The following TBC1D20 variants were observed in gnomAD, a reference collection of about 807,000 sequenced individuals.
TBC1D20 encodes the protein chromosome 20 open reading frame 140.
In TBC1D20, 12 loss-of-function variants were observed where a neutral mutation model predicts 41.6. The observed-to-expected ratio is 0.29, with a 90% confidence interval of 0.18 to 0.47. TBC1D20 has a LOEUF of 0.47. Ranked by LOEUF, TBC1D20 falls within the 20% of genes least tolerant of loss-of-function variation. The pLI, the probability that TBC1D20 is intolerant of heterozygous loss-of-function variation, is 1.00. For synonymous variants in TBC1D20, 205 were observed against 204.8 expected (o/e 1.00, Z -0.01); for missense variants, 421 against 517.4 (o/e 0.81, Z 1.81).
intron 1 of TBC1D20, among the ~76,000 whole-genome samples, chr20:457,586 C>A (rs1600344505): frequency 6.6e-6 from 1 of 152,108 alleles, no homozygotes; most frequent in Non-Finnish European, 1.5e-5. Flanking sequence ...GTACTCCAGG[C>A]AGAAGAGTTA....
At chr20:458,779 A>G (rs1444937103) in intron 1 of TBC1D20, among the ~76,000 whole-genome samples, 1 of 152,178 alleles carries the variant, frequency 6.6e-6, no homozygotes, top group East Asian at 1.9e-4. Context: ...TATTTTTCCC[A>G]TACTGTTAAG....
At chr20:443,781 C>G (rs746039560) in intron 3 of TBC1D20, among the ~76,000 whole-genome samples, 3 of 152,066 alleles carry the variant, frequency 2.0e-5, no homozygotes, top group Non-Finnish European at 4.4e-5. Flanking sequence ...GAAAGCGTAT[C>G]ACAGATATTA....
At chr20:444,385 G>C (rs1600332103) in intron 3 of TBC1D20, among the ~76,000 whole-genome samples, 1 of 152,164 alleles carries the variant, frequency 6.6e-6, no homozygotes, top group Admixed American at 6.5e-5. Flanking sequence ...GTTCCCTTTA[G>C]CAATTCTCCT....
chr20:445,996 C>T (rs145663148), intron 2 of TBC1D20, among the ~76,000 whole-genome samples: 159 of 152,382 alleles, frequency 1.0e-3, no homozygotes, highest in African/African-American at 3.7e-3. Flanking sequence ...CAAGTGGCAA[C>T]TCAACACCTA....
At chr20:442,676 A>G (rs1178851825) in intron 3 of TBC1D20, among the ~76,000 whole-genome samples, 1 of 152,242 alleles carries the variant, frequency 6.6e-6, no homozygotes, top group Non-Finnish European at 1.5e-5. Context: ...TGAGAGCCTT[A>G]TATTTAGGAA....
intron 1 of TBC1D20, chr20:450,520 A>C (rs545193717): frequency 7.9e-4 from 120 of 152,254 alleles, no homozygotes; most frequent in African/African-American, 2.3e-3. Context: ...CTGCCACCAG[A>C]CACTGCCACA....
intron 1 of TBC1D20, among the ~76,000 whole-genome samples, chr20:450,004 C>T (rs972079566): frequency 3.2e-4 from 48 of 152,178 alleles, no homozygotes; most frequent in African/African-American, 1.1e-3. Context: ...AGAGCATATA[C>T]ATCTCTTACT....
At chr20:455,981 T>C (rs974500779) in intron 1 of TBC1D20, among the ~76,000 whole-genome samples, 7 of 151,396 alleles carry the variant, frequency 4.6e-5, no homozygotes, top group African/African-American at 9.7e-5. Flanking sequence ...TAAAAACCAC[T>C]GCCGGGCATG....
intron 1 of TBC1D20, among the ~76,000 whole-genome samples, chr20:460,914 G>GC (rs60925081): frequency 0.057 from 8,675 of 152,266 alleles, 333 homozygotes; most frequent in African/African-American, 0.1. Context: ...GACCCATGCT[G>GC]CCTAGGGCAT....
chr20:445,852 G>T (rs2017321064), intron 2 of TBC1D20, among the ~76,000 whole-genome samples: 1 of 152,236 alleles, frequency 6.6e-6, no homozygotes, highest in African/African-American at 2.4e-5. Context: ...AGGCTTCACG[G>T]TATAAAAAGA....
At chr20:459,423 T>TA (rs1385214434) in intron 1 of TBC1D20, among the ~76,000 whole-genome samples, 1 of 152,162 alleles carries the variant, frequency 6.6e-6, no homozygotes, top group Non-Finnish European at 1.5e-5. Context: ...TTGCCCCACT[T>TA]ACAAGATAGT....
At position 435,824 on chromosome 20, in the gene TBC1D20, C is replaced by T. The variant is rs2017107635; in HGVS notation, c.*2762G>A. 1 of 154,022 alleles carries T rather than the reference C, an allele frequency of 6.5e-6. No individual in the cohort carries two copies. Among genetic ancestry groups the T allele is most frequent in the Non-Finnish European group, 1.5e-5 (1 of 68,954 alleles). 9.5% of individuals were successfully genotyped at this position (154,022 alleles called of 1,614,324 possible). A position where few individuals can be genotyped will look rare whatever the true frequency, so the allele number is the denominator to read the frequency against. On this transcript the variant is annotated 3_prime_UTR_variant, in exon 8 of 8. Coordinates refer to ENST00000354200, the MANE Select transcript of TBC1D20 (RefSeq NM_144628.4). ...TGTCTGTCCAGATGCTTCTTGGCCTCTCTGTGCAGCGTTCCTCCTTCCGGG... is the reference window on the plus strand; with the variant it reads ...TGTCTGTCCAGATGCTTCTTGGCCTTTCTGTGCAGCGTTCCTCCTTCCGGG...
Position 455,002 on chromosome 20 carries a change from A to G in TBC1D20, c.71-6928T>C, listed in dbSNP as rs912109764. ...TTAACATAAATTAAAGTTGGTACTA[A>G]TAAGTCACAGGTGAGCTACCTATGA... On this transcript the variant is annotated intron_variant, in intron 1 of 7. Coordinates refer to ENST00000354200, the MANE Select transcript of TBC1D20 (RefSeq NM_144628.4). Among the ~76,000 whole-genome samples, 14 of 152,178 alleles carry G rather than the reference A, an allele frequency of 9.2e-5. 1 individual carries two copies. The highest frequency in any genetic ancestry group is 7.9e-4 in the Admixed American group (12 of 15,266).
At chr20:458,285 T>G (rs1036856772) in intron 1 of TBC1D20, among the ~76,000 whole-genome samples, 1 of 151,932 alleles carries the variant, frequency 6.6e-6, no homozygotes, top group African/African-American at 2.4e-5. Context: ...ATACCTCCCA[T>G]AACTCATTTC....
In TBC1D20 at chr20:462,374, G is replaced by A. The variant is rs2017649333; in HGVS notation, c.32C>T (p.Pro11Leu). ...GCCGCCGTCCCAGTGGCCGGAGGTG[G>A]GGCCGTCGCCCTGCGCACTCCGGAG... MALRSAQGDGPTSGHWDGGAE... is the reference protein window; with the variant it reads MALRSAQGDGLTSGHWDGGAE... The change falls in exon 1 of 8, where the codon CCC becomes CTC. Residue 11 changes from proline (P) to leucine (L), a missense_variant. Coordinates refer to ENST00000354200, the MANE Select transcript of TBC1D20 (RefSeq NM_144628.4). 1 of 1,304,936 alleles carries A rather than the reference G, an allele frequency of 7.7e-7. No individual in the cohort carries two copies. Among genetic ancestry groups the A allele is most frequent in the Non-Finnish European group, 9.8e-7 (1 of 1,017,280 alleles). 80.8% of individuals were successfully genotyped at this position (1,304,936 alleles called of 1,614,324 possible).
At position 448,090 on chromosome 20, in the gene TBC1D20, G is replaced by C. The variant is rs767611585; in HGVS notation, c.71-16C>G. On this transcript the variant is annotated splice_polypyrimidine_tract_variant and intron_variant, in intron 1 of 7. Transcript: ENST00000354200. ...GCGTTAAAGTCTGAAGATAAGGATA[G>C]GGAAGAATTAGGCGCACATTCAGCA... 8.8e-6 allele frequency: 14 copies of C among 1,599,146 alleles called. No homozygotes were observed. The highest frequency in any genetic ancestry group is 1.0e-5 in the Non-Finnish European group (12 of 1,167,304).
intron 1 of TBC1D20, among the ~76,000 whole-genome samples, chr20:454,657 A>C (rs1158175661): frequency 2.0e-5 from 3 of 151,078 alleles, no homozygotes; most frequent in Non-Finnish European, 1.5e-5. Flanking sequence ...GTACATTATT[A>C]TTATTATTAT....
intron 1 of TBC1D20, among the ~76,000 whole-genome samples, chr20:449,003 T>C (rs570175088): frequency 3.3e-5 from 5 of 149,674 alleles, no homozygotes; most frequent in African/African-American, 9.8e-5. Flanking sequence ...CGCACCACCA[T>C]GCCCAGCTAT....
chr20:453,153 CAAAAAAAAAAAAAAAAAAAAAAAAA>C, intron 1 of TBC1D20, among the ~76,000 whole-genome samples: 1 of 44,860 alleles, frequency 2.2e-5, no homozygotes, highest in African/African-American at 8.6e-5. Flanking sequence ...AACTCCGTTT[CAAAAAAAAAAAAAAAAAAAAAAAAA>C]AAAAAAAAAA....
Sources: allele counts gnomAD v4.1 joint callset (sites outside exome capture counted in the v4.1 genomes callset), GRCh38; gene constraint gnomAD v4.1.1; transcripts MANE v1.5; gene names NCBI Gene and HGNC (gene_info 2026-07-23, HGNC 2026-07-21).